The following LZTR1 variants were observed in gnomAD, a reference collection of about 807,000 sequenced individuals.
LZTR1 encodes leucine-zipper-like transcriptional regulator 1.
LZTR1 carries 260 observed loss-of-function variants against 105.7 expected under a neutral mutation model. That is an observed-to-expected ratio of 2.46 (90% CI 2.22 to 2.72). LZTR1 has a LOEUF of 2.72. Ranked by LOEUF, LZTR1 falls within the 30% of genes most tolerant of loss-of-function variation. LZTR1 has a pLI of 0.00. For missense variants in LZTR1, 1,214 were observed against 1,166.9 expected (o/e 1.04, Z -0.59); for synonymous variants, 490 against 476.4 (o/e 1.03, Z -0.37).
intron 11 of LZTR1, 70 bp from the exon 12 acceptor site, chr22:20,993,592 C>G (rs545132767): frequency 7.4e-7 from 1 of 1,342,482 alleles, no homozygotes; most frequent in East Asian, 2.5e-5. Flanking sequence ...ACCTCAGGGT[C>G]GGCCTGCACA....
intron 1 of LZTR1, among the ~76,000 whole-genome samples, chr22:20,982,824 G>A (rs961916805): frequency 6.6e-6 from 1 of 152,202 alleles, no homozygotes; most frequent in Non-Finnish European, 1.5e-5. Context: ...GTGCTCTGAG[G>A]TGGGGTGAGG....
At chr22:20,990,644 ACAG>A in intron 8 of LZTR1, 119 bp downstream of exon 8, 1 of 1,091,516 alleles carries the variant, frequency 9.2e-7, no homozygotes, top group East Asian at 2.4e-5. Context: ...AGCTCTGCAA[ACAG>A]CAGGAGGTTA....
chr22:20,987,281 CTA>C (rs1164360697), intron 3 of LZTR1: 1 of 477,128 alleles, frequency 2.1e-6, no homozygotes, highest in Non-Finnish European at 3.7e-6. Flanking sequence ...GTAATCCCAG[CTA>C]CTCAGGAGGC....
intron 8 of LZTR1, chr22:20,990,797 T>A (rs1924582379): frequency 2.4e-6 from 1 of 415,800 alleles, no homozygotes; most frequent in Non-Finnish European, 4.4e-6. Context: ...CGTGAATAGC[T>A]TGGTCAGTGC....
rs146436209 is a variant in LZTR1, at chr22:20,982,489, T to C, written c.118T>C (p.Tyr40His). 3 of 1,612,206 alleles carry C rather than the reference T, an allele frequency of 1.9e-6. No individual in the cohort carries two copies. Among genetic ancestry groups the C allele is most frequent in the African/African-American group, 1.3e-5 (1 of 74,904 alleles). Residue 40 changes from tyrosine to histidine, a missense_variant, in exon 1 of 21, where the codon TAC (tyrosine) becomes CAC (histidine). Coordinates refer to ENST00000646124, the MANE Select transcript of LZTR1 (RefSeq NM_006767.4). ...CCATAGCTGCTCGGACAGTGTCGAG[T>C]ACCTGACGCTCAACTTCGGGCCCTT... is the stretch of plus-strand genomic sequence containing the variant. ...FDHSCSDSVE[Y>H]LTLNFGPFET...
intron 2 of LZTR1, among the ~76,000 whole-genome samples, chr22:20,984,353 G>GC (rs1272195994): frequency 6.6e-6 from 1 of 152,198 alleles, no homozygotes. Context: ...ATTTACTGCA[G>GC]CCTTAATGAG....
At chr22:20,984,452 A>G (rs531535097) in intron 2 of LZTR1, among the ~76,000 whole-genome samples, 2 of 152,366 alleles carry the variant, frequency 1.3e-5, no homozygotes, top group East Asian at 3.9e-4. Flanking sequence ...TGTCCTTAGC[A>G]GGTAGTTTGT....
chr22:20,984,767 G>A (rs1038167358), intron 2 of LZTR1, among the ~76,000 whole-genome samples: 2 of 152,138 alleles, frequency 1.3e-5, no homozygotes, highest in Admixed American at 6.5e-5. Flanking sequence ...AAGTGAGACC[G>A]TTCAGGGGGC....
At chr22:20,988,905 C>G in intron 6 of LZTR1, 33 bp downstream of exon 6, 1 of 1,583,564 alleles carries the variant, frequency 6.3e-7, no homozygotes, top group Non-Finnish European at 8.7e-7. Flanking sequence ...CACCCCACCT[C>G]CGACAGCACT....
intron 4 of LZTR1, 106 bp downstream of exon 4, chr22:20,987,689 G>A: frequency 1.9e-6 from 2 of 1,037,370 alleles, no homozygotes; most frequent in Non-Finnish European, 3.0e-6. Context: ...TACAGCAGGG[G>A]CTCTCTCTCC....
chr22:20,987,265 G>T, intron 3 of LZTR1: 1 of 446,364 alleles, frequency 2.2e-6, no homozygotes, highest in Middle Eastern at 5.8e-4. Context: ...ATGATGGTGG[G>T]TGCCTGTAAT....
chr22:20,992,896 A>T lies in LZTR1; in HGVS notation c.1252A>T (p.Arg418Trp). Reference protein sequence around the residue: ...DNNIRSGEMYRFQFSCYPKCT... With the variant: ...DNNIRSGEMYWFQFSCYPKCT... The stretch of plus-strand genomic sequence containing the variant: ...CAACATCCGCAGCGGGGAGATGTAC[A>T]GGTTCCAGGTGTGGGGCCTGTGGGC... Residue 418 changes from arginine (R) to tryptophan (W), a missense_variant, in exon 11 of 21, where the codon AGG (arginine) becomes TGG (tryptophan). Coordinates refer to ENST00000646124, the MANE Select transcript of LZTR1 (RefSeq NM_006767.4). The T allele has an allele frequency of 6.3e-7, 1 of 1,596,928 alleles. No individual in the cohort carries two copies.
chr22:20,992,863 G>A lies in LZTR1; in HGVS notation c.1219G>A (p.Val407Met), dbSNP rs1237504479. The A allele has an allele frequency of 6.2e-7, 1 of 1,610,044 alleles. No homozygotes were observed. Among genetic ancestry groups the A allele is most frequent in the South Asian group, 1.1e-5 (1 of 90,164 alleles). ...CGCCATGTACATCTTCGGGGGCACG[G>A]TGGACAACAACATCCGCAGCGGGGA... ...SDAMYIFGGT[V>M]DNNIRSGEMY... Residue 407 changes from valine (V) to methionine (M), a missense_variant, in exon 11 of 21, where the codon GTG becomes ATG. Coordinates refer to ENST00000646124, the MANE Select transcript of LZTR1 (RefSeq NM_006767.4).
At chr22:20,990,705 T>C in intron 8 of LZTR1, 180 bp downstream of exon 8, 1 of 634,690 alleles carries the variant, frequency 1.6e-6, no homozygotes, top group African/African-American at 1.8e-5. Flanking sequence ...CCCCAGGATA[T>C]GGCTACAGCT....
rs1236694337 is a variant in LZTR1 at position 20,995,431 on chromosome 22, T to C, written c.1943-315T>C. ...GACCCCGGTTGCTGGCTCTTGGTGA[T>C]GTCTGCAGGCACCAGAGGCCATGCA... On this transcript the variant is annotated intron_variant, in intron 16 of 20. Coordinates refer to ENST00000646124, the MANE Select transcript of LZTR1 (RefSeq NM_006767.4). The C allele has an allele frequency of 6.4e-6, 4 of 625,162 alleles. No homozygotes were observed. In the Admixed American group the frequency reaches 8.5e-5, roughly 13 times the overall value. 38.7% of individuals were successfully genotyped at this position (625,162 alleles called of 1,614,324 possible).
At chr22:20,996,442 G>A (rs1249164544) in intron 18 of LZTR1, 6 of 592,438 alleles carry the variant, frequency 1.0e-5, no homozygotes, top group East Asian at 2.8e-5. Context: ...GAACATGGAG[G>A]GTCAGGATGC....
rs550922200 is a variant in LZTR1, at chr22:20,993,966, C to T, written c.1396C>T (p.Arg466Trp). ...VQGHVAIVTA[R>W]SRWLRRKITQ... ...GGGCCACGTAGCCATTGTCACAGCG[C>T]GGAGCCGCTGGCTTCGCAGGAAGAT... The change falls in exon 13 of 21, where the codon CGG becomes TGG. Residue 466 changes from arginine (R) to tryptophan (W), a missense_variant. Physicochemically the swap from Arg to Trp is moderately radical, Grantham distance 101. Coordinates refer to ENST00000646124, the MANE Select transcript of LZTR1 (RefSeq NM_006767.4). The T allele has an allele frequency of 6.1e-5, 98 of 1,612,758 alleles. No individual in the cohort carries two copies. Among genetic ancestry groups the T allele is most frequent in the South Asian group, 8.8e-5 (8 of 90,894 alleles).
chr22:20,982,300 G>T lies in LZTR1; in HGVS notation c.-72G>T. 1 of 1,248,014 alleles carries T rather than the reference G, an allele frequency of 8.0e-7. No homozygotes were observed. The allele number at this position is 1,248,014 out of a possible 1,614,324, so 77.3% of individuals were successfully genotyped here. On this transcript the variant is annotated 5_prime_UTR_variant, in exon 1 of 21. Coordinates refer to ENST00000646124, the MANE Select transcript of LZTR1 (RefSeq NM_006767.4). Reference sequence around the variant, plus strand: ...AGCGCAGGGCTCGCCGGGAAATGTGGTTTCTCCAGCCGGCCCGGGGCGGTG... The same window carrying T: ...AGCGCAGGGCTCGCCGGGAAATGTGTTTTCTCCAGCCGGCCCGGGGCGGTG...
Position 20,988,023 on chromosome 22 carries a change from G to A in LZTR1, c.414G>A (p.Gly138=), listed in dbSNP as rs1330031946. The change falls in exon 5 of 21, where the codon GGG becomes GGA. Residue 138 remains glycine, a synonymous_variant. Transcript: ENST00000646124. ...SSMFVFGGYT[G]DIYSNSNLKN... is the part of the protein sequence containing the mutation. ...CTCTTTACTCAGGGGGTTACACTGG[G>A]GACATTTATTCCAATTCTAACTTGA... is the stretch of plus-strand genomic sequence containing the variant. 7 of 1,604,202 alleles carry A rather than the reference G, an allele frequency of 4.4e-6. No individual in the cohort carries two copies. Among genetic ancestry groups the A allele is most frequent in the Non-Finnish European group, 6.0e-6 (7 of 1,171,140 alleles).
Sources: allele counts gnomAD v4.1 joint callset (sites outside exome capture counted in the v4.1 genomes callset), GRCh38; gene constraint gnomAD v4.1.1; transcripts MANE v1.5; gene names NCBI Gene and HGNC (gene_info 2026-07-23, HGNC 2026-07-21).